DPYD: variants seen among roughly 807,000 people sequenced by gnomAD.
DPYD encodes the protein dihydropyrimidine dehydrogenase [NADP(+)].
DPYD carries 109 observed loss-of-function variants against 116.2 expected under a neutral mutation model. The observed-to-expected ratio is 0.94, with a 90% CI of 0.80 to 1.10. The LOEUF (loss-of-function observed/expected upper bound fraction) is 1.10. Ranked by LOEUF, DPYD falls within the 50% of genes least tolerant of loss-of-function variation. The probability of loss-of-function intolerance (pLI) is 0.00; values close to 1 mark genes in which losing one functional copy is unlikely to be tolerated. For synonymous variants in DPYD, 440 were observed against 432.0 expected, an observed-to-expected ratio of 1.02 and a Z score of -0.23; for missense variants, 1,302 against 1,254.5, an observed-to-expected ratio of 1.04 and a Z score of -0.57.
chr1:97,393,053 C>A (rs1025085185), intron 14 of DPYD, among the ~76,000 whole-genome samples: 4 of 152,042 alleles, frequency 2.6e-5, no homozygotes, highest in African/African-American at 9.7e-5. Context: ...TCTTTCTTAT[C>A]ATTTGTGTGT....
intron 6 of DPYD, among the ~76,000 whole-genome samples, chr1:97,693,215 C>A (rs189661001): frequency 2.3e-3 from 310 of 135,252 alleles, no homozygotes; most frequent in African/African-American, 8.0e-3. Flanking sequence ...AGTGTGAACC[C>A]GGGAGGTGGA....
In DPYD at chr1:97,078,222, C is replaced by G. The variant is rs1265048144; in HGVS notation, c.*754G>C. 6.5e-6 allele frequency: 1 copy of G among 152,746 alleles called. No homozygotes were observed. The highest frequency in any genetic ancestry group is 2.4e-5 in the African/African-American group (1 of 41,386). The allele number at this position is 152,746 out of a possible 1,614,324, so 9.5% of individuals were successfully genotyped here. A position where few individuals can be genotyped will look rare whatever the true frequency, so the allele number is the denominator to read the frequency against. The stretch of plus-strand genomic sequence containing the variant: ...TATGTGCACAGCAAAAGAGTGGTAA[C>G]CAGGATCTATCCTATCATCTCATTT... On this transcript the variant is annotated 3_prime_UTR_variant, in exon 23 of 23. Transcript: ENST00000370192.
chr1:97,123,560 C>T (rs747285132), intron 20 of DPYD, among the ~76,000 whole-genome samples: 3 of 152,052 alleles, frequency 2.0e-5, no homozygotes, highest in Non-Finnish European at 4.4e-5. Flanking sequence ...CATTTATACA[C>T]TAGCTTATTT....
intron 16 of DPYD, among the ~76,000 whole-genome samples, chr1:97,321,150 T>A (rs1278627479): frequency 3.4e-5 from 3 of 88,744 alleles, no homozygotes; most frequent in African/African-American, 8.6e-5. Context: ...AACCTAGGCA[T>A]TACCATTCAG....
intron 3 of DPYD, among the ~76,000 whole-genome samples, chr1:97,744,232 C>T (rs1415035131): frequency 6.6e-6 from 1 of 151,830 alleles, no homozygotes; most frequent in Non-Finnish European, 1.5e-5. Flanking sequence ...CCCAAATATC[C>T]GTGAGGCTAG....
At chr1:97,366,584 C>T (rs1046097681) in intron 16 of DPYD, among the ~76,000 whole-genome samples, 2 of 152,134 alleles carry the variant, frequency 1.3e-5, no homozygotes, top group Admixed American at 1.3e-4. Context: ...ACCTGGAGTT[C>T]CAACTCTCTA....
chr1:97,363,098 A>G (rs554915863), intron 16 of DPYD, among the ~76,000 whole-genome samples: 5 of 152,312 alleles, frequency 3.3e-5, no homozygotes, highest in Admixed American at 1.3e-4. Context: ...ACTTAAACAA[A>G]TTTACAAGAA....
At chr1:97,195,239 C>T (rs1187134527) in intron 19 of DPYD, among the ~76,000 whole-genome samples, 6 of 151,870 alleles carry the variant, frequency 4.0e-5, no homozygotes, top group Admixed American at 1.3e-4. Flanking sequence ...TCCTGTTTTC[C>T]CAGATGTTGA....
At chr1:97,459,489 G>A (rs556702856) in intron 13 of DPYD, among the ~76,000 whole-genome samples, 1 of 152,138 alleles carries the variant, frequency 6.6e-6, no homozygotes, top group South Asian at 2.1e-4. Flanking sequence ...TAGATACATT[G>A]TAGTATACAA....
intron 18 of DPYD, among the ~76,000 whole-genome samples, chr1:97,268,622 C>G (rs1285938321): frequency 6.6e-6 from 1 of 151,972 alleles, no homozygotes; most frequent in Non-Finnish European, 1.5e-5. Flanking sequence ...CAAGGTGCCC[C>G]TAGGATTGCT....
At chr1:97,190,553 T>A (rs1018446249) in intron 20 of DPYD, among the ~76,000 whole-genome samples, 1 of 152,156 alleles carries the variant, frequency 6.6e-6, no homozygotes, top group Admixed American at 6.6e-5. Context: ...TGACTGTTCT[T>A]CTCAGGAATT....
chr1:97,332,060 T>C (rs946858454), intron 16 of DPYD, among the ~76,000 whole-genome samples: 2 of 152,178 alleles, frequency 1.3e-5, no homozygotes, highest in Non-Finnish European at 1.5e-5. Flanking sequence ...AGTTGATCAT[T>C]GTTATCTTCT....
chr1:97,915,517 T>C (rs893054538), intron 1 of DPYD, among the ~76,000 whole-genome samples: 3 of 152,134 alleles, frequency 2.0e-5, no homozygotes, highest in African/African-American at 7.2e-5. Context: ...GTAGTATAAT[T>C]GGCTCCAGGA....
rs2102184733 is a variant in DPYD at position 97,573,948 on chromosome 1, T to C, written c.1151A>G (p.Lys384Arg). The C allele has an allele frequency of 6.2e-7, 1 of 1,613,504 alleles. No homozygotes were observed. The highest frequency in any genetic ancestry group is 8.5e-7 in the Non-Finnish European group (1 of 1,179,564). The change falls in exon 11 of 23, where the codon AAG (lysine) becomes AGG (arginine). Residue 384 changes from lysine (K) to arginine (R), a missense_variant. Lys to Arg is a conservative substitution (Grantham distance 26, BLOSUM62 2). Coordinates refer to ENST00000370192, the MANE Select transcript of DPYD (RefSeq NM_000110.4). Reference sequence around the variant, plus strand: ...GGACAGGAATGGCAGAAATTCACACTTTTCTTCCTTAGCAAGTTCCATCTA... The same window carrying C: ...GGACAGGAATGGCAGAAATTCACACCTTTCTTCCTTAGCAAGTTCCATCTA... Reference protein sequence around the residue: ...PEEMELAKEEKCEFLPFLSPR... With the variant: ...PEEMELAKEERCEFLPFLSPR...
chr1:97,670,052 T>C (rs759470266), intron 8 of DPYD, among the ~76,000 whole-genome samples: 6 of 152,160 alleles, frequency 3.9e-5, no homozygotes, highest in Non-Finnish European at 7.4e-5. Flanking sequence ...ATGAATACAA[T>C]GTAGTCTTGA....
intron 3 of DPYD, among the ~76,000 whole-genome samples, chr1:97,780,887 A>G (rs753494289): frequency 6.6e-6 from 1 of 152,214 alleles, no homozygotes; most frequent in African/African-American, 2.4e-5. Context: ...GATAAAGACA[A>G]TATCATATTT....
At chr1:97,639,154 T>C (rs766221464) in intron 8 of DPYD, among the ~76,000 whole-genome samples, 23 of 152,240 alleles carry the variant, frequency 1.5e-4, no homozygotes, top group Admixed American at 2.6e-4. Flanking sequence ...ATTTGCTAAC[T>C]GTAAGGCACA....
intron 3 of DPYD, among the ~76,000 whole-genome samples, chr1:97,814,679 G>C (rs1406977269): frequency 2.0e-5 from 3 of 151,984 alleles, no homozygotes; most frequent in East Asian, 1.9e-4. Context: ...GTTCAGTGGA[G>C]GGTTGTGGTG....
rs1224779887 is a variant in DPYD at position 97,626,417 on chromosome 1, GACT to G, written c.851-31254_851-31252del. On this transcript the variant is annotated intron_variant, in intron 8 of 22. Coordinates refer to ENST00000370192, the MANE Select transcript of DPYD (RefSeq NM_000110.4). ...TAAATTGGAAGTAAATATTTCCAAT[GACT>G]ACGACTGTTTACTACAAAGACAAGA... 1.7e-4 allele frequency among the ~76,000 whole-genome samples: 26 copies of G among 151,738 alleles called. No individual in the cohort carries two copies. The East Asian group carries it at 3.9e-3, about 23-fold the overall frequency.
Sources: allele counts gnomAD v4.1 joint callset (sites outside exome capture counted in the v4.1 genomes callset), GRCh38; gene constraint gnomAD v4.1.1; transcripts MANE v1.5; gene names NCBI Gene and HGNC (gene_info 2026-07-23, HGNC 2026-07-21).